Variants in PLXDC2 observed in about 807,000 individuals in gnomAD.
The protein encoded by PLXDC2 is plexin domain-containing protein 2.
PLXDC2 carries 40 observed loss-of-function variants against 68.9 expected under a neutral mutation model. The observed-to-expected ratio is 0.58, with a 90% CI of 0.45 to 0.76. The LOEUF is 0.76. Ranked by LOEUF, PLXDC2 falls within the 30% of genes least tolerant of loss-of-function variation. The pLI is 0.00. For missense variants in PLXDC2, 644 were observed against 661.9 expected (o/e 0.97, Z 0.30); for synonymous variants, 243 against 234.2 (o/e 1.04, Z -0.34).
chr10:19,926,985 A>G (rs1420049822), intron 1 of PLXDC2, among the ~76,000 whole-genome samples: 1 of 152,130 alleles, frequency 6.6e-6, no homozygotes, highest in Non-Finnish European at 1.5e-5. Flanking sequence ...CTTCATTTCT[A>G]ATGTTTGAGC....
rs924995524 is a variant in PLXDC2 at position 20,285,222 on chromosome 10, T to A, written c.*5403T>A. On this transcript the variant is annotated 3_prime_UTR_variant, in exon 14 of 14. Transcript: ENST00000377252. Reference sequence around the variant, plus strand: ...GGTGTTACCTTTTATATACTCCTATTACCTTATGTTTGTGAAGCATTTTAC... The same window carrying A: ...GGTGTTACCTTTTATATACTCCTATAACCTTATGTTTGTGAAGCATTTTAC... 3 of 151,994 alleles carry A rather than the reference T, an allele frequency of 2.0e-5. No individual in the cohort carries two copies. Among genetic ancestry groups the A allele is most frequent in the Non-Finnish European group, 4.4e-5 (3 of 68,034 alleles). 9.4% of individuals were successfully genotyped at this position (151,994 alleles called of 1,614,324 possible).
intron 13 of PLXDC2, among the ~76,000 whole-genome samples, chr10:20,262,457 G>A (rs1206864095): frequency 6.6e-6 from 1 of 152,216 alleles, no homozygotes. Context: ...CCTCGGCAAA[G>A]TGGGAGGTTA....
intron 2 of PLXDC2, among the ~76,000 whole-genome samples, chr10:20,002,330 G>A (rs574222049): frequency 4.6e-5 from 7 of 150,698 alleles, no homozygotes; most frequent in African/African-American, 1.7e-4. Flanking sequence ...CACAATCTCA[G>A]CTCACTGCAA....
intron 1 of PLXDC2, among the ~76,000 whole-genome samples, chr10:19,906,474 C>G (rs941937032): frequency 1.3e-5 from 2 of 152,140 alleles, no homozygotes; most frequent in East Asian, 3.9e-4. Flanking sequence ...AGTGTGAATA[C>G]TTTTAGTGGA....
intron 1 of PLXDC2, among the ~76,000 whole-genome samples, chr10:19,908,033 G>A (rs949639155): frequency 5.3e-5 from 8 of 151,926 alleles, no homozygotes; most frequent in East Asian, 1.9e-4. Context: ...CTATAAAAGC[G>A]GGATGTCACT....
chr10:19,891,802 C>T (rs894268036), intron 1 of PLXDC2, among the ~76,000 whole-genome samples: 3 of 152,208 alleles, frequency 2.0e-5, no homozygotes, highest in East Asian at 1.9e-4. Flanking sequence ...GAATTGGTTT[C>T]ACCTTCAAAT....
chr10:20,119,039 A>G (rs1422866574), intron 4 of PLXDC2, among the ~76,000 whole-genome samples: 1 of 151,678 alleles, frequency 6.6e-6, no homozygotes, highest in African/African-American at 2.4e-5. Flanking sequence ...GAGGTGATTT[A>G]GGAGTATGTG....
chr10:20,046,884 A>C lies in PLXDC2; in HGVS notation c.340A>C (p.Asn114His). 7 of 1,611,332 alleles carry C rather than the reference A, an allele frequency of 4.3e-6. No homozygotes were observed. Among genetic ancestry groups the C allele is most frequent in the Non-Finnish European group, 5.9e-6 (7 of 1,178,690 alleles). Residue 114 changes from asparagine to histidine, a missense_variant, in exon 3 of 14, where the codon AAT becomes CAT. Asn to His is a moderately conservative substitution (Grantham distance 68). Coordinates refer to ENST00000377252, the MANE Select transcript of PLXDC2 (RefSeq NM_032812.9). ...NTQIEEDTDH[N>H]YYISRIYGPS... ...ATTATTGCAGGAGGATACAGACCACAATTACTATATATCTCGAATATATGG... is the reference window on the plus strand; with the variant it reads ...ATTATTGCAGGAGGATACAGACCACCATTACTATATATCTCGAATATATGG...
chr10:20,175,605 G>C (rs978608045), intron 7 of PLXDC2, among the ~76,000 whole-genome samples: 1 of 152,204 alleles, frequency 6.6e-6, no homozygotes, highest in Non-Finnish European at 1.5e-5. Context: ...AAAGCAGGGG[G>C]ATCACTTGAG....
At chr10:19,914,213 TTTC>T (rs758087784) in intron 1 of PLXDC2, among the ~76,000 whole-genome samples, 47 of 151,974 alleles carry the variant, frequency 3.1e-4, no homozygotes, top group Non-Finnish European at 4.7e-4. Flanking sequence ...CTTTTTTTCA[TTTC>T]TTCTTTTATG....
chr10:20,179,062 G>A lies in PLXDC2; in HGVS notation c.1061+1653G>A, dbSNP rs189613632. Among the ~76,000 whole-genome samples the A allele has an allele frequency of 1.1e-3, 172 of 152,166 alleles. 1 individual carries two copies. Among genetic ancestry groups the A allele is most frequent in the East Asian group, 1.2e-3 (6 of 5,152 alleles). On this transcript the variant is annotated intron_variant, in intron 9 of 13. Transcript: ENST00000377252. ...ACGACATAAGGGAATCTAAAGAGAC[G>A]GCATTTTAATATGTATATTTAAGGA...
intron 6 of PLXDC2, among the ~76,000 whole-genome samples, chr10:20,154,831 G>C (rs1834197886): frequency 6.6e-6 from 1 of 151,780 alleles, no homozygotes; most frequent in African/African-American, 2.4e-5. Context: ...TAGTCATTAG[G>C]TTAGGAAACT....
At chr10:20,222,797 G>A (rs1172208460) in intron 12 of PLXDC2, among the ~76,000 whole-genome samples, 1 of 151,552 alleles carries the variant, frequency 6.6e-6, no homozygotes, top group African/African-American at 2.4e-5. Context: ...AGGCCAAACT[G>A]GGCAACATAG....
chr10:20,024,136 T>C (rs542042199), intron 2 of PLXDC2, among the ~76,000 whole-genome samples: 1 of 152,336 alleles, frequency 6.6e-6, no homozygotes, highest in Non-Finnish European at 1.5e-5. Flanking sequence ...TCCTTGACTT[T>C]CAAAAACATT....
chr10:19,975,615 G>A (rs970462054), intron 1 of PLXDC2, among the ~76,000 whole-genome samples: 4 of 152,260 alleles, frequency 2.6e-5, no homozygotes, highest in Admixed American at 1.3e-4. Flanking sequence ...ACTATTTAGA[G>A]CTGAGAAGTT....
At chr10:20,243,523 A>G (rs1835546393) in intron 12 of PLXDC2, among the ~76,000 whole-genome samples, 1 of 152,214 alleles carries the variant, frequency 6.6e-6, no homozygotes, top group African/African-American at 2.4e-5. Context: ...AAGAGTAAAC[A>G]ACAGCAATAA....
At chr10:19,976,477 T>A (rs1834458487) in intron 1 of PLXDC2, among the ~76,000 whole-genome samples, 2 of 152,186 alleles carry the variant, frequency 1.3e-5, no homozygotes. Context: ...CCTCCCAAAG[T>A]GCTGGGATTA....
At chr10:19,992,288 T>C (rs1215229711) in intron 1 of PLXDC2, among the ~76,000 whole-genome samples, 3 of 152,170 alleles carry the variant, frequency 2.0e-5, no homozygotes, top group African/African-American at 4.8e-5. Flanking sequence ...TCACCAATGG[T>C]GGGAAGTTAC....
At chr10:20,034,285 A>G (rs896072434) in intron 2 of PLXDC2, among the ~76,000 whole-genome samples, 1 of 152,188 alleles carries the variant, frequency 6.6e-6, no homozygotes, top group African/African-American at 2.4e-5. Flanking sequence ...ATATATTTGG[A>G]TACTAGGTTT....
Sources: allele counts gnomAD v4.1 joint callset (sites outside exome capture counted in the v4.1 genomes callset), GRCh38; gene constraint gnomAD v4.1.1; transcripts MANE v1.5; gene names NCBI Gene and HGNC (gene_info 2026-07-23, HGNC 2026-07-21).